Variants in L3MBTL3 observed in about 807,000 individuals in gnomAD.
The protein encoded by L3MBTL3 is lethal(3)malignant brain tumor-like protein 3.
In L3MBTL3, 27 loss-of-function variants were observed where a neutral mutation model predicts 102.3. That is an observed-to-expected ratio of 0.26 (90% CI 0.19 to 0.36). The LOEUF (loss-of-function observed/expected upper bound fraction) is 0.36, where lower values mean the gene tolerates loss of function less well. Ranked by LOEUF, L3MBTL3 falls within the 10% of genes least tolerant of loss-of-function variation. The pLI is 1.00. For synonymous variants in L3MBTL3, 340 were observed against 320.9 expected, an observed-to-expected ratio of 1.06 and a Z score of -0.64; for missense variants, 798 against 955.3, an observed-to-expected ratio of 0.84 and a Z score of 2.17.
At chr6:130,073,805 T>C (rs1343793109) in intron 13 of L3MBTL3, among the ~76,000 whole-genome samples, 1 of 152,162 alleles carries the variant, frequency 6.6e-6, no homozygotes, top group Non-Finnish European at 1.5e-5. Flanking sequence ...AGAAAAAAAT[T>C]GATCTCTTTT....
chr6:130,053,115 T>A (rs1260925440), intron 7 of L3MBTL3, 124 bp downstream of exon 7: 14 of 673,624 alleles, frequency 2.1e-5, no homozygotes, highest in Non-Finnish European at 3.1e-5. Flanking sequence ...TCTGTGTTAG[T>A]GTCAGTAAGT....
chr6:130,108,074 C>T (rs1383088468), intron 19 of L3MBTL3, among the ~76,000 whole-genome samples: 1 of 152,074 alleles, frequency 6.6e-6, no homozygotes, highest in Non-Finnish European at 1.5e-5. Context: ...TCCCTACTTG[C>T]TAGGTTTATG....
At chr6:130,099,058 G>T (rs1166000946) in intron 18 of L3MBTL3, among the ~76,000 whole-genome samples, 1 of 151,938 alleles carries the variant, frequency 6.6e-6, no homozygotes. Flanking sequence ...TTGGAGAACA[G>T]TGAATAAGGC....
chr6:130,136,267 A>G (rs1787645926), intron 22 of L3MBTL3, among the ~76,000 whole-genome samples: 2 of 152,162 alleles, frequency 1.3e-5, no homozygotes, highest in South Asian at 2.1e-4. Flanking sequence ...GGTCCTTCCA[A>G]TAGCTTCATC....
intron 1 of L3MBTL3, among the ~76,000 whole-genome samples, chr6:130,019,983 GGCGGCGGTC>G (rs1309870182): frequency 3.9e-5 from 5 of 129,346 alleles, no homozygotes; most frequent in East Asian, 3.3e-4. Flanking sequence ...GGGAGGCGGC[GGCGGCGGTC>G]GCGGCGGCGG....
intron 20 of L3MBTL3, 56 bp downstream of exon 20, chr6:130,121,014 C>A: frequency 9.3e-7 from 1 of 1,077,794 alleles, no homozygotes; most frequent in Non-Finnish European, 1.4e-6. Context: ...ATGAAACAAT[C>A]AAAGCCTTAA....
intron 2 of L3MBTL3, among the ~76,000 whole-genome samples, chr6:130,026,732 A>G (rs985531732): frequency 1.3e-5 from 2 of 152,154 alleles, no homozygotes; most frequent in African/African-American, 4.8e-5. Flanking sequence ...CACTGGGCTT[A>G]CTTATATAAA....
intron 20 of L3MBTL3, among the ~76,000 whole-genome samples, chr6:130,127,801 G>GT (rs1034665254): frequency 1.3e-3 from 198 of 151,428 alleles, no homozygotes; most frequent in African/African-American, 4.2e-3. Flanking sequence ...CCATTTTTTT[G>GT]TTTTTTTTAG....
chr6:130,058,113 G>A lies in L3MBTL3; in HGVS notation c.759+616G>A, dbSNP rs1781637296. ...AGCCGAGATTGCGCCATTGCAGTCC[G>A]CAGTCCGGCCTGGGCAACAGAGCAA... On this transcript the variant is annotated intron_variant, in intron 9 of 22. Transcript: ENST00000361794. Among the ~76,000 whole-genome samples, 3 of 135,154 alleles carry A rather than the reference G, an allele frequency of 2.2e-5. No homozygotes were observed. In the Admixed American group the frequency reaches 2.3e-4, roughly 10 times the overall value. The allele number at this position is 135,154 out of a possible 152,430, so 88.7% of individuals were successfully genotyped here. A position where few individuals can be genotyped will look rare whatever the true frequency, so the allele number is the denominator to read the frequency against.
chr6:130,131,985 A>G (rs1426653882), intron 20 of L3MBTL3, among the ~76,000 whole-genome samples: 1 of 152,198 alleles, frequency 6.6e-6, no homozygotes. Flanking sequence ...CCCAGTAGGT[A>G]TCAGCCTCAT....
intron 2 of L3MBTL3, among the ~76,000 whole-genome samples, chr6:130,026,821 A>G (rs776855537): frequency 2.6e-5 from 4 of 152,150 alleles, no homozygotes; most frequent in Non-Finnish European, 4.4e-5. Context: ...TAAAGCATCA[A>G]TCAATGAAAG....
intron 20 of L3MBTL3, among the ~76,000 whole-genome samples, chr6:130,123,726 A>G (rs1298410022): frequency 6.6e-6 from 1 of 152,146 alleles, no homozygotes; most frequent in Non-Finnish European, 1.5e-5. Context: ...TGTATGAAAG[A>G]GATTTGGATA....
intron 22 of L3MBTL3, among the ~76,000 whole-genome samples, 158 bp downstream of exon 22, chr6:130,134,063 T>C (rs1463615269): frequency 1.3e-5 from 2 of 152,202 alleles, no homozygotes; most frequent in Non-Finnish European, 2.9e-5. Context: ...GAATCAGTTG[T>C]ATAAAAATGT....
rs758412638 is a variant in L3MBTL3, at chr6:130,092,870, C to T, written c.1633+11C>T. On this transcript the variant is annotated intron_variant, in intron 17 of 22. Transcript: ENST00000361794. ...TTCAGCCTCCTTTGAGTAAGAGACA[C>T]GAATAGCTTGTATAAATGTTTCCAT... The T allele has an allele frequency of 2.8e-6, 4 of 1,440,298 alleles. No homozygotes were observed. Among genetic ancestry groups the T allele is most frequent in the South Asian group, 1.1e-5 (1 of 87,288 alleles). 89.2% of individuals were successfully genotyped at this position (1,440,298 alleles called of 1,614,324 possible).
intron 16 of L3MBTL3, among the ~76,000 whole-genome samples, chr6:130,091,049 G>A (rs778957855): frequency 2.0e-5 from 3 of 152,054 alleles, no homozygotes; most frequent in Non-Finnish European, 4.4e-5. Flanking sequence ...CACAGGTGTT[G>A]CAAATGTATT....
chr6:130,135,806 G>A (rs908139873), intron 22 of L3MBTL3, among the ~76,000 whole-genome samples: 1 of 152,144 alleles, frequency 6.6e-6, no homozygotes, highest in Non-Finnish European at 1.5e-5. Flanking sequence ...ATGTTACTTT[G>A]TGTCATGCTC....
intron 10 of L3MBTL3, 77 bp downstream of exon 10, chr6:130,060,217 G>T: frequency 1.2e-6 from 1 of 818,014 alleles, no homozygotes; most frequent in Non-Finnish European, 2.0e-6. Flanking sequence ...AACTGCCATT[G>T]GTTGTATTTC....
In L3MBTL3 at chr6:130,133,472, G is replaced by A. The variant is rs748606569; in HGVS notation, c.1987G>A (p.Val663Ile). The change falls in exon 21 of 23, where the codon GTC (valine) becomes ATC (isoleucine). Residue 663 changes from valine (V) to isoleucine (I), a missense_variant. By Grantham distance (29) the Val-to-Ile change is conservative. Around this residue, in one of 4 missense-constraint regions of L3MBTL3, gnomAD observed 306 missense variants for 314.4 expected, o/e 0.97. Coordinates refer to ENST00000361794, the MANE Select transcript of L3MBTL3 (RefSeq NM_032438.4). The surrounding 1 kb of genome is among the most constrained non-coding windows in gnomAD (Gnocchi z 4.9). ...ACCAGGTGCCCGGGAAGAACCCACC[G>A]TCCAGCAGGCACAGCGTCGGTCAGC... is the stretch of plus-strand genomic sequence containing the variant. ...EARGAREEPT[V>I]QQAQRRSAVF... 47 of 1,613,914 alleles carry A rather than the reference G, an allele frequency of 2.9e-5. No individual in the cohort carries two copies. Among genetic ancestry groups the A allele is most frequent in the East Asian group, 2.0e-4 (9 of 44,892 alleles).
At chr6:130,036,561 G>T (rs796398314) in intron 2 of L3MBTL3, among the ~76,000 whole-genome samples, 13 of 152,278 alleles carry the variant, frequency 8.5e-5, no homozygotes, top group African/African-American at 3.1e-4. Context: ...TTTACTGCAG[G>T]TTATATACAG....
Sources: gnomAD v4.1 joint callset for allele counts (sites outside exome capture counted in the v4.1 genomes callset) on GRCh38, gnomAD v4.1.1 for gene constraint, gnomAD v4.1.1 regional missense constraint, Gnocchi (gnomAD v3.1) non-coding constraint, MANE v1.5 for transcripts, NCBI Gene and HGNC (gene_info 2026-07-23, HGNC 2026-07-21) for gene names.